Variants in KDR observed in about 807,000 individuals in gnomAD.
KDR encodes vascular endothelial growth factor receptor 2.
A neutral mutation model predicts 160.9 loss-of-function variants in KDR; 43 were observed. That is an observed-to-expected ratio of 0.27 (90% CI 0.21 to 0.34). The LOEUF is 0.34. KDR is among the 10% of genes least tolerant of loss of function. KDR has a pLI of 1.00. For synonymous variants in KDR, 617 were observed against 600.1 expected, an observed-to-expected ratio of 1.03 and a Z score of -0.41; for missense variants, 1,469 against 1,666.4, an observed-to-expected ratio of 0.88 and a Z score of 2.06.
Position 55,079,314 on chromosome 4 carries a change from C to G in KDR, c.*627G>C, listed in dbSNP as rs1719665371. Reference sequence around the variant, plus strand: ...CCCAACTCGAAGAACACGCAACCTTCTAAAACCAGAAACCCCGTCTGAACC... The same window carrying G: ...CCCAACTCGAAGAACACGCAACCTTGTAAAACCAGAAACCCCGTCTGAACC... On this transcript the variant is annotated 3_prime_UTR_variant, in exon 30 of 30. Transcript: ENST00000263923. 4.2e-6 allele frequency: 1 copy of G among 236,000 alleles called. No homozygotes were observed. The highest frequency in any genetic ancestry group is 2.2e-5 in the African/African-American group (1 of 45,338). The allele number at this position is 236,000 out of a possible 1,614,324, so 14.6% of individuals were successfully genotyped here.
In KDR at chr4:55,097,836, A is replaced by G. The variant is rs1720201424; in HGVS notation, c.2510-70T>C. The G allele has an allele frequency of 2.8e-6, 3 of 1,080,828 alleles. No individual in the cohort carries two copies. In the Admixed American group the frequency reaches 5.2e-5, roughly 19 times the overall value. 67.0% of individuals were successfully genotyped at this position (1,080,828 alleles called of 1,614,324 possible). A position where few individuals can be genotyped will look rare whatever the true frequency, so the allele number is the denominator to read the frequency against. On this transcript the variant is annotated intron_variant, in intron 17 of 29. Coordinates refer to ENST00000263923, the MANE Select transcript of KDR (RefSeq NM_002253.4). ...TATACAACCAAAGTGATACGCAGAGACATCAACTAGATAGGGTGACCATAC... is the reference window on the plus strand; with the variant it reads ...TATACAACCAAAGTGATACGCAGAGGCATCAACTAGATAGGGTGACCATAC...
chr4:55,106,253 C>T (rs538578348), intron 11 of KDR, among the ~76,000 whole-genome samples: 9 of 151,952 alleles, frequency 5.9e-5, no homozygotes, highest in East Asian at 3.9e-4. Context: ...AGCACCATGT[C>T]GGCACTCAAA....
chr4:55,092,217 C>T (rs1172896805), intron 22 of KDR: 14 of 284,976 alleles, frequency 4.9e-5, no homozygotes, highest in Non-Finnish European at 7.6e-5. Flanking sequence ...TATTCTATAA[C>T]CCTTTCTTGC....
At position 55,080,156 on chromosome 4, in the gene KDR, C is replaced by G. The variant is rs188653929; in HGVS notation, c.3856G>C (p.Val1286Leu). 6.2e-7 allele frequency: 1 copy of G among 1,612,874 alleles called. No individual in the cohort carries two copies. The highest frequency in any genetic ancestry group is 1.3e-5 in the African/African-American group (1 of 74,868). The change falls in exon 30 of 30, where the codon GTG becomes CTG. Residue 1286 changes from valine to leucine, a missense_variant. By Grantham distance (32) the Val-to-Leu change is conservative. Coordinates refer to ENST00000263923, the MANE Select transcript of KDR (RefSeq NM_002253.4). The stretch of plus-strand genomic sequence containing the variant: ...ACAGACTCCCTGCTTTTGCTGGGCA[C>G]CATTCCACTGCAGAAGAAATGGCAA... ...TKLSPSFGGM[V>L]PSKSRESVAS...
In KDR at chr4:55,101,885, T is replaced by A. The variant is rs771120814; in HGVS notation, c.2266+12A>T. On this transcript the variant is annotated intron_variant, in intron 15 of 29. Coordinates refer to ENST00000263923, the MANE Select transcript of KDR (RefSeq NM_002253.4). ...GGTGTATATGTACCACATTTTTTTTTATCCCACTGACCTTCTATTATGAAA... is the reference window on the plus strand; with the variant it reads ...GGTGTATATGTACCACATTTTTTTTAATCCCACTGACCTTCTATTATGAAA... 12 of 1,608,604 alleles carry A rather than the reference T, an allele frequency of 7.5e-6. No homozygotes were observed. In the African/African-American group the frequency reaches 8.0e-5, roughly 11 times the overall value.
chr4:55,099,838 C>T (rs932716102), intron 15 of KDR, among the ~76,000 whole-genome samples: 2 of 152,110 alleles, frequency 1.3e-5, no homozygotes, highest in African/African-American at 4.8e-5. Context: ...ACATACACTA[C>T]CCCATCCCTT....
At chr4:55,106,611 A>C in intron 11 of KDR, 76 bp downstream of exon 11, 8 of 1,073,290 alleles carry the variant, frequency 7.5e-6, no homozygotes, top group Non-Finnish European at 1.2e-5. Context: ...TTAATCTCCA[A>C]TATGCCTCAC....
At chr4:55,091,662 A>G (rs867596210) in intron 22 of KDR, among the ~76,000 whole-genome samples, 1 of 152,208 alleles carries the variant, frequency 6.6e-6, no homozygotes, top group Non-Finnish European at 1.5e-5. Flanking sequence ...AGGGGAAAAC[A>G]TGGGTTGAAG....
At position 55,107,878 on chromosome 4, in the gene KDR, C is replaced by G. The variant is rs775023030; in HGVS notation, c.1271G>C (p.Gly424Ala). The part of the protein sequence containing the change: ...SLVVYVPPQI[G>A]EKSLISPVDS... ...CACAGGAGAGATTAGAGATTTCTCA[C>G]CAATCTGGGGTGGGACTGAAGATGG... The change falls in exon 10 of 30, where the codon GGT becomes GCT. Residue 424 changes from glycine (G) to alanine (A), a missense_variant. Physicochemically the swap from Gly to Ala is moderately conservative, Grantham distance 60 (BLOSUM62 0). This residue lies in a region of KDR where 792 missense variants were observed against 840.9 expected (regional missense o/e 0.94). Coordinates refer to ENST00000263923, the MANE Select transcript of KDR (RefSeq NM_002253.4). The G allele has an allele frequency of 2.3e-5, 37 of 1,613,868 alleles. No homozygotes were observed. The highest frequency in any genetic ancestry group is 3.1e-5 in the Non-Finnish European group (36 of 1,179,860).
chr4:55,104,643 C>T lies in KDR; in HGVS notation c.1987G>A (p.Glu663Lys), dbSNP rs2110022704. Residue 663 changes from glutamate (E) to lysine (K), a missense_variant and splice_region_variant, in exon 13 of 30, where the codon GAG (glutamate) becomes AAG (lysine). This residue lies in a region of KDR where 792 missense variants were observed against 840.9 expected (regional missense o/e 0.94). Transcript: ENST00000263923. Reference protein sequence around the residue: ...HCVVRQLTVLERVAPTITGNL... With the variant: ...HCVVRQLTVLKRVAPTITGNL... Reference sequence around the variant, plus strand: ...CAATGATCCAGAATTGTCTCCCTACCTAGGACTGTGAGCTGCCTGACCACG... The same window carrying T: ...CAATGATCCAGAATTGTCTCCCTACTTAGGACTGTGAGCTGCCTGACCACG... 6.2e-7 allele frequency: 1 copy of T among 1,612,892 alleles called. No individual in the cohort carries two copies. The highest frequency in any genetic ancestry group is 8.5e-7 in the Non-Finnish European group (1 of 1,179,306).
intron 7 of KDR, among the ~76,000 whole-genome samples, chr4:55,111,265 T>C (rs959021689): frequency 6.6e-6 from 1 of 152,218 alleles, no homozygotes; most frequent in African/African-American, 2.4e-5. Flanking sequence ...CGGGTTGATA[T>C]GTTAAATATC....
intron 1 of KDR, among the ~76,000 whole-genome samples, chr4:55,121,904 T>C (rs1363615756): frequency 1.4e-5 from 2 of 138,884 alleles, no homozygotes; most frequent in African/African-American, 5.8e-5. Context: ...CTGTAATTCA[T>C]TAGCATTACC....
intron 28 of KDR, among the ~76,000 whole-genome samples, 168 bp downstream of exon 28, chr4:55,082,368 A>T (rs1361461000): frequency 1.3e-5 from 2 of 152,154 alleles, no homozygotes; most frequent in African/African-American, 4.8e-5. Context: ...CAAGGGCTTT[A>T]CTTATGAAAA....
chr4:55,107,884 T>C lies in KDR; in HGVS notation c.1265A>G (p.Gln422Arg). The C allele has an allele frequency of 6.2e-7, 1 of 1,613,922 alleles. No individual in the cohort carries two copies. Among genetic ancestry groups the C allele is most frequent in the Non-Finnish European group, 8.5e-7 (1 of 1,179,868 alleles). ...AGAGATTAGAGATTTCTCACCAATC[T>C]GGGGTGGGACTGAAGATGGGAAAAA... ...VVSLVVYVPP[Q>R]IGEKSLISPV... is the part of the protein sequence containing the mutation. Residue 422 changes from glutamine to arginine, a missense_variant, in exon 10 of 30, where the codon CAG (glutamine) becomes CGG (arginine). This residue lies in a region of KDR where 792 missense variants were observed against 840.9 expected (regional missense o/e 0.94). Coordinates refer to ENST00000263923, the MANE Select transcript of KDR (RefSeq NM_002253.4).
Position 55,095,761 on chromosome 4 carries a change from A to C in KDR, c.2729-96T>G, listed in dbSNP as rs1720136685. 4 of 830,506 alleles carry C rather than the reference A, an allele frequency of 4.8e-6. No individual in the cohort carries two copies. The Admixed American group carries it at 7.5e-5, about 16-fold the overall frequency. The allele number at this position is 830,506 out of a possible 1,614,324, so 51.4% of individuals were successfully genotyped here. ...ATGAACCCAAAAACACCTTAGAAGA[A>C]GGCTACAACCTTTCATTGGGACAGG... On this transcript the variant is annotated intron_variant, in intron 19 of 29. Coordinates refer to ENST00000263923, the MANE Select transcript of KDR (RefSeq NM_002253.4).
intron 9 of KDR, among the ~76,000 whole-genome samples, 197 bp from the exon 10 acceptor site, chr4:55,108,090 G>A (rs545582574): frequency 1.3e-5 from 2 of 152,058 alleles, no homozygotes; most frequent in South Asian, 2.1e-4. Flanking sequence ...GCCAGGCATG[G>A]GGGCTTATGC....
At position 55,110,660 on chromosome 4, in the gene KDR, A is replaced by G; in HGVS notation, c.1085T>C (p.Ile362Thr). The G allele has an allele frequency of 6.2e-7, 1 of 1,613,416 alleles. No homozygotes were observed. The highest frequency in any genetic ancestry group is 8.5e-7 in the Non-Finnish European group (1 of 1,179,716). ...AKYLGYPPPE[I>T]KWYKNGIPLE... The stretch of plus-strand genomic sequence containing the variant: ...ATTTATTTCCAGTAGTTACCATTTT[A>G]TTTCTGGGGGTGGGTAACCAAGGTA... Residue 362 changes from isoleucine (I) to threonine (T), a missense_variant, in exon 8 of 30, where the codon ATA becomes ACA. By Grantham distance (89) the Ile-to-Thr change is moderately conservative (BLOSUM62 -1). Coordinates refer to ENST00000263923, the MANE Select transcript of KDR (RefSeq NM_002253.4).
rs374043742 is a variant in KDR, at chr4:55,115,815, A to G, written c.359-404T>C. ...ATTTAAAGTTAAATCTATACACTTTACCGACAAGTTTTACTAATATTTAAA... is the reference window on the plus strand; with the variant it reads ...ATTTAAAGTTAAATCTATACACTTTGCCGACAAGTTTTACTAATATTTAAA... On this transcript the variant is annotated intron_variant, in intron 3 of 29. Coordinates refer to ENST00000263923, the MANE Select transcript of KDR (RefSeq NM_002253.4). 4.6e-5 allele frequency among the ~76,000 whole-genome samples: 7 copies of G among 152,294 alleles called. No homozygotes were observed. In the East Asian group the frequency reaches 5.8e-4, roughly 13 times the overall value.
chr4:55,080,237 C>T, intron 29 of KDR, 74 bp from the exon 30 acceptor site: 2 of 1,325,750 alleles, frequency 1.5e-6, no homozygotes, highest in Non-Finnish European at 2.1e-6. Flanking sequence ...TCACCCCATT[C>T]CCAACTCCAT....
Sources: allele counts gnomAD v4.1 joint callset (sites outside exome capture counted in the v4.1 genomes callset), GRCh38; gene constraint gnomAD v4.1.1; regional missense constraint gnomAD v4.1.1; transcripts MANE v1.5; gene names NCBI Gene and HGNC (gene_info 2026-07-23, HGNC 2026-07-21).